Variants in YES1 observed in about 807,000 individuals in gnomAD.
YES1 encodes the protein YES proto-oncogene 1, Src family tyrosine kinase, also known as tyrosine-protein kinase Yes.
YES1 carries 39 observed loss-of-function variants against 70.4 expected under a neutral mutation model. The ratio of observed to expected loss-of-function variants is 0.55; its 90% CI spans 0.43 to 0.72. The LOEUF is 0.72. Ranked by LOEUF, YES1 falls within the 30% of genes least tolerant of loss-of-function variation. The probability of loss-of-function intolerance (pLI) is 0.00; values close to 1 mark genes in which losing one functional copy is unlikely to be tolerated. For missense variants in YES1, 495 were observed against 644.8 expected, an observed-to-expected ratio of 0.77 and a Z score of 2.52; for synonymous variants, 198 against 218.6, an observed-to-expected ratio of 0.91 and a Z score of 0.83.
At chr18:797,635 T>C (rs1906610107) in intron 1 of YES1, among the ~76,000 whole-genome samples, 1 of 152,196 alleles carries the variant, frequency 6.6e-6, no homozygotes, top group African/African-American at 2.4e-5. Context: ...TAAACAACTG[T>C]TAAAAATTAC....
intron 1 of YES1, among the ~76,000 whole-genome samples, chr18:781,750 T>C (rs1342590664): frequency 1.3e-5 from 2 of 152,156 alleles, no homozygotes; most frequent in Admixed American, 6.5e-5. Flanking sequence ...TTATCTTTCC[T>C]AAGACTGAAT....
At chr18:798,714 C>T (rs992097059) in intron 1 of YES1, among the ~76,000 whole-genome samples, 1 of 152,134 alleles carries the variant, frequency 6.6e-6, no homozygotes, top group African/African-American at 2.4e-5. Flanking sequence ...GCTTCCTAAC[C>T]TTTCATATAA....
At chr18:796,911 T>G (rs1004923995) in intron 1 of YES1, among the ~76,000 whole-genome samples, 1 of 152,092 alleles carries the variant, frequency 6.6e-6, no homozygotes, top group Non-Finnish European at 1.5e-5. Flanking sequence ...GTATATCATC[T>G]GAGGAAAAAA....
intron 2 of YES1, 45 bp downstream of exon 2, chr18:756,512 G>C: frequency 6.2e-7 from 1 of 1,605,766 alleles, no homozygotes; most frequent in Non-Finnish European, 8.5e-7. Context: ...ATTACCCAAG[G>C]TGATGTTCTC....
intron 1 of YES1, among the ~76,000 whole-genome samples, chr18:805,777 A>C (rs1907066209): frequency 6.6e-6 from 1 of 152,238 alleles, no homozygotes. Flanking sequence ...AAGTCAATAC[A>C]TTCGCCAGGA....
rs958417425 is a variant in YES1, at chr18:722,865, G to A, written c.*1559C>T. 5 of 152,190 alleles carry A rather than the reference G, an allele frequency of 3.3e-5. No individual in the cohort carries two copies. The highest frequency in any genetic ancestry group is 7.2e-5 in the African/African-American group (3 of 41,434). The allele number at this position is 152,190 out of a possible 1,614,324, so 9.4% of individuals were successfully genotyped here. Reference sequence around the variant, plus strand: ...CCCAGCACTTTGGGAGGCCGAGGCGGGCAGATCACAAGGTCAGGAGATCGA... The same window carrying A: ...CCCAGCACTTTGGGAGGCCGAGGCGAGCAGATCACAAGGTCAGGAGATCGA... On this transcript the variant is annotated 3_prime_UTR_variant, in exon 12 of 12. Coordinates refer to ENST00000314574, the MANE Select transcript of YES1 (RefSeq NM_005433.4).
At position 751,815 on chromosome 18, in the gene YES1, G is replaced by GA; in HGVS notation, c.272-12dup. The stretch of plus-strand genomic sequence containing the variant: ...ATATAGTAACACCACCTATCAGAGG[G>GA]AAAAAAGACCAAGGTAAATTATGTA... On this transcript the variant is annotated splice_polypyrimidine_tract_variant and intron_variant, in intron 2 of 11. Coordinates refer to ENST00000314574, the MANE Select transcript of YES1 (RefSeq NM_005433.4). 5 of 1,425,120 alleles carry GA rather than the reference G, an allele frequency of 3.5e-6. No individual in the cohort carries two copies. Among genetic ancestry groups the GA allele is most frequent in the Non-Finnish European group, 4.8e-6 (5 of 1,031,378 alleles). The allele number at this position is 1,425,120 out of a possible 1,614,324, so 88.3% of individuals were successfully genotyped here. A position where few individuals can be genotyped will look rare whatever the true frequency, so the allele number is the denominator to read the frequency against.
At chr18:791,696 T>C in intron 1 of YES1, among the ~76,000 whole-genome samples, 1 of 152,350 alleles carries the variant, frequency 6.6e-6, no homozygotes. Flanking sequence ...ATCAAAAATG[T>C]TATCAACATG....
chr18:765,263 TA>T (rs1480571700), intron 1 of YES1, among the ~76,000 whole-genome samples: 7 of 58,866 alleles, frequency 1.2e-4, no homozygotes, highest in African/African-American at 4.5e-4. Context: ...TATATATATA[TA>T]TATATATATA....
chr18:763,702 T>G (rs1598916287), intron 1 of YES1, among the ~76,000 whole-genome samples: 1 of 52,872 alleles, frequency 1.9e-5, no homozygotes, highest in Non-Finnish European at 3.5e-5. Context: ...GATCCTGTCT[T>G]CAAAAAAAAA....
intron 11 of YES1, among the ~76,000 whole-genome samples, chr18:732,253 A>G (rs1179817709): frequency 6.6e-6 from 1 of 151,772 alleles, no homozygotes; most frequent in Non-Finnish European, 1.5e-5. Flanking sequence ...AGCTTAGCCA[A>G]CATGGCAAAA....
Position 745,985 on chromosome 18 carries a change from T to G in YES1, c.537A>C (p.Arg179=). ...ERLLLNPGNQ[R]GIFLVRESET... is the part of the protein sequence containing the mutation. ...CACTCTCTCTTACTAAGAAAATACC[T>G]CGTTGATTTCCAGGATTCAAAAGTA... Residue 179 remains arginine, a synonymous_variant, in exon 5 of 12, where the codon CGA becomes CGC. Transcript: ENST00000314574. 1.2e-6 allele frequency: 2 copies of G among 1,613,184 alleles called. No individual in the cohort carries two copies. Among genetic ancestry groups the G allele is most frequent in the Non-Finnish European group, 1.7e-6 (2 of 1,179,620 alleles).
intron 1 of YES1, among the ~76,000 whole-genome samples, chr18:771,090 C>T (rs571087076): frequency 1.1e-4 from 17 of 152,062 alleles, no homozygotes; most frequent in African/African-American, 4.1e-4. Flanking sequence ...GATGGCTGGG[C>T]ATGGTGGCTC....
At chr18:784,669 A>G (rs1905846992) in intron 1 of YES1, among the ~76,000 whole-genome samples, 1 of 152,200 alleles carries the variant, frequency 6.6e-6, no homozygotes. Flanking sequence ...CTTGGCTCAC[A>G]GACTCCTTCC....
At chr18:773,516 G>A (rs140163437) in intron 1 of YES1, among the ~76,000 whole-genome samples, 50 of 152,124 alleles carry the variant, frequency 3.3e-4, no homozygotes, top group African/African-American at 1.2e-3. Flanking sequence ...GTCATGTTTC[G>A]ATTCAAAATC....
At position 742,927 on chromosome 18, in the gene YES1, T is replaced by C. The variant is rs1411693530; in HGVS notation, c.1051A>G (p.Met351Val). The C allele has an allele frequency of 3.1e-6, 5 of 1,589,802 alleles. No homozygotes were observed. The highest frequency in any genetic ancestry group is 4.3e-6 in the Non-Finnish European group (5 of 1,172,610). ...AGATACTAATACATACCTTTTGACA[T>C]AAATTCAGTGACAATGTAAATTGGT... is the stretch of plus-strand genomic sequence containing the variant. The part of the protein sequence containing the change: ...EEPIYIVTEF[M>V]SKGSLLDFLK... Residue 351 changes from methionine (M) to valine (V), a missense_variant, in exon 8 of 12, where the codon ATG becomes GTG. Met to Val is a conservative substitution (Grantham distance 21). Transcript: ENST00000314574.
chr18:741,024 A>G (rs2080211396), intron 8 of YES1, among the ~76,000 whole-genome samples: 1 of 151,982 alleles, frequency 6.6e-6, no homozygotes, highest in Admixed American at 6.6e-5. Context: ...CAGCCTCCCG[A>G]GCAGCTGGAA....
chr18:751,668 G>T, intron 3 of YES1, 37 bp downstream of exon 3: 2 of 1,349,978 alleles, frequency 1.5e-6, no homozygotes, highest in Non-Finnish European at 2.1e-6. Flanking sequence ...CCAGATTTCT[G>T]TCAGTATTTC....
At chr18:757,451 A>G (rs376671687) in intron 1 of YES1, among the ~76,000 whole-genome samples, 5 of 148,746 alleles carry the variant, frequency 3.4e-5, no homozygotes, top group African/African-American at 1.2e-4. Context: ...TGCAGTGAGC[A>G]GAGATCGCGC....
Sources: gnomAD v4.1 joint callset for allele counts (sites outside exome capture counted in the v4.1 genomes callset) on GRCh38, gnomAD v4.1.1 for gene constraint, MANE v1.5 for transcripts, NCBI Gene and HGNC (gene_info 2026-07-23, HGNC 2026-07-21) for gene names.